MAPRE2: variants seen among roughly 807,000 people sequenced by gnomAD.
MAPRE2 encodes the protein microtubule-associated protein RP/EB family member 2.
In MAPRE2, 13 loss-of-function variants were observed where a neutral mutation model predicts 43.2. That is an observed-to-expected ratio of 0.30 (90% CI 0.20 to 0.48). MAPRE2 has a LOEUF of 0.48. Ranked by LOEUF, MAPRE2 falls within the 20% of genes least tolerant of loss-of-function variation. The pLI is 0.99. For missense variants in MAPRE2, 161 were observed against 400.2 expected (o/e 0.40, Z 5.10); for synonymous variants, 135 against 148.8 (o/e 0.91, Z 0.68).
At chr18:35,122,626 A>G (rs1909731150) in intron 4 of MAPRE2, among the ~76,000 whole-genome samples, 1 of 152,144 alleles carries the variant, frequency 6.6e-6, no homozygotes, top group Non-Finnish European at 1.5e-5. Flanking sequence ...TGTCCCCGTT[A>G]GTGAGGCTTA....
intron 5 of MAPRE2, chr18:35,131,769 C>T: frequency 2.3e-6 from 1 of 431,490 alleles, no homozygotes; most frequent in Non-Finnish European, 4.2e-6. Flanking sequence ...CGGGGAACCG[C>T]ACAAGCAGAA....
At chr18:35,095,805 C>T (rs2078485557) in intron 2 of MAPRE2, among the ~76,000 whole-genome samples, 1 of 151,944 alleles carries the variant, frequency 6.6e-6, no homozygotes, top group African/African-American at 2.4e-5. Flanking sequence ...CAAAGAATAC[C>T]CTCCAGATCA....
At chr18:35,126,810 T>A in intron 4 of MAPRE2, 138 bp from the exon 5 acceptor site, 1 of 714,612 alleles carries the variant, frequency 1.4e-6, no homozygotes, top group Non-Finnish European at 2.3e-6. Flanking sequence ...ATATTTATAC[T>A]CCTTCTATAT....
At chr18:35,122,285 A>C (rs139466353) in intron 4 of MAPRE2, among the ~76,000 whole-genome samples, 46 of 152,302 alleles carry the variant, frequency 3.0e-4, no homozygotes, top group African/African-American at 1.1e-3. Context: ...CATTTATTTG[A>C]AAACAAGCTT....
chr18:35,022,643 T>G (rs1473203678), intron 2 of MAPRE2, among the ~76,000 whole-genome samples: 1 of 152,144 alleles, frequency 6.6e-6, no homozygotes, highest in African/African-American at 2.4e-5. Context: ...CTGGAGAGGA[T>G]AAGAAATTAC....
At chr18:35,069,678 A>T (rs190889365) in intron 1 of MAPRE2, among the ~76,000 whole-genome samples, 2 of 152,332 alleles carry the variant, frequency 1.3e-5, no homozygotes, top group Admixed American at 6.5e-5. Context: ...CATATACAAT[A>T]TATCAATATA....
chr18:35,109,928 G>A (rs921057283), intron 4 of MAPRE2, among the ~76,000 whole-genome samples: 1 of 151,818 alleles, frequency 6.6e-6, no homozygotes, highest in African/African-American at 2.4e-5. Context: ...CCATCTTCTG[G>A]ATTTTTAAAG....
intron 2 of MAPRE2, among the ~76,000 whole-genome samples, chr18:35,006,809 A>G (rs1267316771): frequency 2.0e-5 from 3 of 152,206 alleles, no homozygotes; most frequent in Admixed American, 2.0e-4. Context: ...CTAAAAATAT[A>G]AAAACTAGCT....
chr18:35,058,986 T>C (rs1439863244), intron 1 of MAPRE2, among the ~76,000 whole-genome samples: 1 of 152,238 alleles, frequency 6.6e-6, no homozygotes, highest in African/African-American at 2.4e-5. Context: ...TCTCCGAGTC[T>C]GTATCTTTTC....
At chr18:35,073,048 G>T (rs928649180) in intron 2 of MAPRE2, among the ~76,000 whole-genome samples, 1 of 152,002 alleles carries the variant, frequency 6.6e-6, no homozygotes, top group African/African-American at 2.4e-5. Flanking sequence ...ATTTCCTGGG[G>T]AGCTGCTGAA....
chr18:35,069,839 A>T (rs949483822), intron 1 of MAPRE2, among the ~76,000 whole-genome samples: 3 of 152,156 alleles, frequency 2.0e-5, no homozygotes, highest in Non-Finnish European at 2.9e-5. Flanking sequence ...GAAATAATGT[A>T]TGAAACTAAC....
intron 4 of MAPRE2, among the ~76,000 whole-genome samples, chr18:35,118,558 A>C (rs1394314901): frequency 6.6e-6 from 1 of 152,140 alleles, no homozygotes; most frequent in African/African-American, 2.4e-5. Flanking sequence ...TTGGGCACTC[A>C]CTGCTCATAC....
intron 1 of MAPRE2, among the ~76,000 whole-genome samples, chr18:34,985,298 T>TAAAATATATA (rs2097019306): frequency 3.0e-4 from 6 of 19,906 alleles, no homozygotes; most frequent in Non-Finnish European, 5.3e-4. Flanking sequence ...TATTATATTA[T>TAAAATATATA]ATATTGTATA....
intron 6 of MAPRE2, among the ~76,000 whole-genome samples, chr18:35,136,715 C>A (rs149370281): frequency 1.3e-5 from 2 of 152,290 alleles, no homozygotes; most frequent in African/African-American, 4.8e-5. Flanking sequence ...AGCTAGGAAG[C>A]CAGGAGCTGT....
At chr18:35,136,804 A>G (rs1910411098) in intron 6 of MAPRE2, among the ~76,000 whole-genome samples, 2 of 152,140 alleles carry the variant, frequency 1.3e-5, no homozygotes, top group South Asian at 4.1e-4. Flanking sequence ...CTTCAATACC[A>G]TCTTCCAGTT....
chr18:34,997,688 C>A (rs1303944874), intron 1 of MAPRE2, among the ~76,000 whole-genome samples: 2 of 152,164 alleles, frequency 1.3e-5, no homozygotes, highest in African/African-American at 4.8e-5. Context: ...TGGTGGCAGG[C>A]ACCTGTAATC....
At chr18:35,041,810 C>A in intron 1 of MAPRE2, 149 bp downstream of exon 1, 1 of 1,482,942 alleles carries the variant, frequency 6.7e-7, no homozygotes, top group Middle Eastern at 1.9e-4. Context: ...GTATCTGTTT[C>A]CATGTGTCAT....
chr18:35,068,642 C>T (rs1906955708), intron 1 of MAPRE2, among the ~76,000 whole-genome samples: 1 of 152,160 alleles, frequency 6.6e-6, no homozygotes, highest in African/African-American at 2.4e-5. Flanking sequence ...TGCCTTTCCT[C>T]GATGACCTGT....
At chr18:35,029,729 C>T (rs1469680213) in intron 2 of MAPRE2, among the ~76,000 whole-genome samples, 3 of 152,158 alleles carry the variant, frequency 2.0e-5, no homozygotes. Flanking sequence ...CCCAAGGTGC[C>T]TTTTAATCCC....
Sources: allele counts gnomAD v4.1 joint callset (sites outside exome capture counted in the v4.1 genomes callset), GRCh38; gene constraint gnomAD v4.1.1; transcripts MANE v1.5; gene names NCBI Gene and HGNC (gene_info 2026-07-23, HGNC 2026-07-21).